Variants in MBD5 observed in about 807,000 individuals in gnomAD.
MBD5 encodes the protein methyl-CpG binding domain protein 5, also known as methyl-CpG-binding domain protein 5.
Under a neutral mutation model 117.3 loss-of-function variants are expected in MBD5, and 13 were observed. The observed-to-expected ratio is 0.11, with a 90% CI of 0.07 to 0.18. MBD5 has a LOEUF of 0.18. MBD5 is among the 10% of genes least tolerant of loss of function. The probability of loss-of-function intolerance (pLI) is 1.00; values close to 1 mark genes in which losing one functional copy is unlikely to be tolerated. For synonymous variants in MBD5, 727 were observed against 766.4 expected, an observed-to-expected ratio of 0.95 and a Z score of 0.85; for missense variants, 1,879 against 2,093.8, an observed-to-expected ratio of 0.90 and a Z score of 2.00.
At chr2:148,487,736 TC>T (rs1681384179) in intron 10 of MBD5, among the ~76,000 whole-genome samples, 1 of 151,804 alleles carries the variant, frequency 6.6e-6, no homozygotes, top group Admixed American at 6.5e-5. Flanking sequence ...TTTTAGCTGT[TC>T]TTGACACACA....
chr2:148,427,578 G>A (rs1042769024), intron 4 of MBD5, among the ~76,000 whole-genome samples: 4 of 151,774 alleles, frequency 2.6e-5, no homozygotes, highest in South Asian at 4.2e-4. Context: ...TCATAGGTGG[G>A]AATTGAACAA....
intron 12 of MBD5, 95 bp downstream of exon 12, chr2:148,502,604 C>A: frequency 8.3e-7 from 1 of 1,208,384 alleles, no homozygotes; most frequent in Non-Finnish European, 1.2e-6. Context: ...ATTCTGTCCA[C>A]GCTGTGGCCT....
intron 1 of MBD5, among the ~76,000 whole-genome samples, chr2:148,091,957 A>G (rs563174554): frequency 6.6e-6 from 1 of 152,220 alleles, no homozygotes; most frequent in Admixed American, 6.5e-5. Flanking sequence ...GAACTCAAAC[A>G]AATCATCAAG....
At chr2:148,215,688 ATTTTTTTT>A (rs66589231) in intron 2 of MBD5, among the ~76,000 whole-genome samples, 3 of 132,028 alleles carry the variant, frequency 2.3e-5, no homozygotes, top group Admixed American at 7.7e-5. Context: ...TGCCCGGCTA[ATTTTTTTT>A]TTTTTTTTTT....
chr2:148,352,888 G>T (rs1027250799), intron 4 of MBD5, among the ~76,000 whole-genome samples: 3 of 151,978 alleles, frequency 2.0e-5, no homozygotes, highest in African/African-American at 7.2e-5. Flanking sequence ...ATCAGATATT[G>T]ATCACATATA....
intron 1 of MBD5, among the ~76,000 whole-genome samples, chr2:148,081,932 T>G (rs1695657685): frequency 6.6e-6 from 1 of 152,224 alleles, no homozygotes; most frequent in African/African-American, 2.4e-5. Context: ...AGGTAAGTAA[T>G]CTTGCCCATA....
intron 4 of MBD5, among the ~76,000 whole-genome samples, chr2:148,409,393 AAAAG>A (rs200926665): frequency 0.057 from 8,473 of 149,766 alleles, 267 homozygotes; most frequent in African/African-American, 0.071. Context: ...TCTCAAAAAA[AAAAG>A]AAAGAAAGAA....
chr2:148,217,249 G>A (rs2106046371), intron 2 of MBD5, among the ~76,000 whole-genome samples: 1 of 152,288 alleles, frequency 6.6e-6, no homozygotes, highest in Middle Eastern at 3.4e-3. Flanking sequence ...AGCAATGGGA[G>A]GGATCCTCTG....
chr2:148,136,359 G>C (rs564317772), intron 1 of MBD5, among the ~76,000 whole-genome samples: 3 of 152,078 alleles, frequency 2.0e-5, no homozygotes, highest in Non-Finnish European at 4.4e-5. Flanking sequence ...GTTGTACATA[G>C]ATAAGTTAAA....
intron 1 of MBD5, among the ~76,000 whole-genome samples, chr2:148,148,384 A>G (rs914518826): frequency 6.6e-6 from 1 of 152,204 alleles, no homozygotes; most frequent in Non-Finnish European, 1.5e-5. Context: ...GGAGAAGAGG[A>G]TGGGATTAGT....
Position 148,513,939 on chromosome 2 carries a change from C to T in MBD5, c.*998C>T, listed in dbSNP as rs1023803803. 1 of 152,166 alleles carries T rather than the reference C, an allele frequency of 6.6e-6. No individual in the cohort carries two copies. The highest frequency in any genetic ancestry group is 1.5e-5 in the Non-Finnish European group (1 of 68,026). 9.4% of individuals were successfully genotyped at this position (152,166 alleles called of 1,614,324 possible). A position where few individuals can be genotyped will look rare whatever the true frequency, so the allele number is the denominator to read the frequency against. On this transcript the variant is annotated 3_prime_UTR_variant, in exon 14 of 14. Coordinates refer to ENST00000642680, the MANE Select transcript of MBD5 (RefSeq NM_001378120.1). Reference sequence around the variant, plus strand: ...TCCGTACATGGAGGCAAAAACCCCACTTTGCAACCATTATCAGAGGTAAGA... The same window carrying T: ...TCCGTACATGGAGGCAAAAACCCCATTTTGCAACCATTATCAGAGGTAAGA...
At chr2:148,405,045 G>T (rs1705034456) in intron 4 of MBD5, among the ~76,000 whole-genome samples, 1 of 151,936 alleles carries the variant, frequency 6.6e-6, no homozygotes, top group African/African-American at 2.4e-5. Context: ...TAAACATTTT[G>T]ACATTTTTGT....
chr2:148,372,795 G>A (rs1703891661), intron 4 of MBD5, among the ~76,000 whole-genome samples: 1 of 152,028 alleles, frequency 6.6e-6, no homozygotes, highest in South Asian at 2.1e-4. Context: ...GAAACTCGAA[G>A]TGTTTGATAG....
At chr2:148,150,395 T>A (rs1188150963) in intron 1 of MBD5, among the ~76,000 whole-genome samples, 1 of 151,864 alleles carries the variant, frequency 6.6e-6, no homozygotes, top group East Asian at 1.9e-4. Flanking sequence ...GCTTTGTTCT[T>A]TTGGCTTAGG....
intron 1 of MBD5, among the ~76,000 whole-genome samples, chr2:148,077,309 G>T (rs1319043388): frequency 2.0e-5 from 3 of 152,136 alleles, no homozygotes; most frequent in East Asian, 1.9e-4. Context: ...GAGTTGTCTT[G>T]TTACTGGGCA....
chr2:148,468,639 T>C lies in MBD5; in HGVS notation c.696T>C (p.Tyr232=), dbSNP rs768918225. Residue 232 remains tyrosine (Y), a synonymous_variant, in exon 8 of 14, where the codon TAT becomes TAC. Transcript: ENST00000642680. ...CAGCGTCATCAGGTTCCCAGATATA[T>C]GGAGATGGTTCAATCTCTCCAAGGA... ...PSPASSGSQI[Y]GDGSISPRTD... is the part of the protein sequence containing the mutation. 3.1e-6 allele frequency: 5 copies of C among 1,613,908 alleles called. No homozygotes were observed. In the Admixed American group the frequency reaches 5.0e-5, roughly 16 times the overall value.
chr2:148,447,926 T>G (rs1574435479), intron 4 of MBD5, among the ~76,000 whole-genome samples: 1 of 152,100 alleles, frequency 6.6e-6, no homozygotes, highest in East Asian at 1.9e-4. Context: ...TTAGAGACTT[T>G]TACAGTTTTT....
chr2:148,325,992 TA>T (rs1364981131), intron 3 of MBD5, among the ~76,000 whole-genome samples: 6 of 152,308 alleles, frequency 3.9e-5, no homozygotes, highest in Non-Finnish European at 8.8e-5. Flanking sequence ...AATTTCCCTC[TA>T]CATACTGCTT....
chr2:148,465,028 T>C (rs554138626), intron 7 of MBD5, among the ~76,000 whole-genome samples: 1 of 152,098 alleles, frequency 6.6e-6, no homozygotes, highest in Non-Finnish European at 1.5e-5. Context: ...TCAAAGATTG[T>C]ACACTGCATT....
Sources: gnomAD v4.1 joint callset for allele counts (sites outside exome capture counted in the v4.1 genomes callset) on GRCh38, gnomAD v4.1.1 for gene constraint, MANE v1.5 for transcripts, NCBI Gene and HGNC (gene_info 2026-07-23, HGNC 2026-07-21) for gene names.